Variants in DIP2B observed in about 807,000 individuals in gnomAD.
DIP2B encodes the protein disco-interacting protein 2 homolog B.
A neutral mutation model predicts 198.0 loss-of-function variants in DIP2B; 76 were observed. The observed-to-expected ratio is 0.38, with a 90% confidence interval of 0.32 to 0.46. The LOEUF is 0.46. Among genes scored for constraint, DIP2B ranks in the 20% least tolerant of loss-of-function variants. The pLI, the probability that DIP2B is intolerant of heterozygous loss-of-function variation, is 0.99. For missense variants in DIP2B, 1,559 were observed against 1,978.4 expected (o/e 0.79, Z 4.02); for synonymous variants, 701 against 739.1 (o/e 0.95, Z 0.84).
chr12:50,533,955 G>T, intron 1 of DIP2B, among the ~76,000 whole-genome samples: 1 of 152,066 alleles, frequency 6.6e-6, no homozygotes, highest in Non-Finnish European at 1.5e-5. Flanking sequence ...TCCCCCCTGT[G>T]ACAGAAGGTG....
chr12:50,518,875 G>A (rs576261292), intron 1 of DIP2B, among the ~76,000 whole-genome samples: 1 of 152,168 alleles, frequency 6.6e-6, no homozygotes, highest in African/African-American at 2.4e-5. Context: ...CAAGTAGCTG[G>A]GATTACAGGT....
intron 1 of DIP2B, among the ~76,000 whole-genome samples, chr12:50,590,159 A>AT (rs67465895): frequency 0.32 from 47,786 of 148,264 alleles, 7,672 homozygotes; most frequent in South Asian, 0.39. Flanking sequence ...TTTCTGGATA[A>AT]TTTTTTTTTT....
rs1236102753 is a variant in DIP2B, at chr12:50,741,530, T to C, written c.4469T>C (p.Ile1490Thr). 7.4e-6 allele frequency: 12 copies of C among 1,613,274 alleles called. No individual in the cohort carries two copies. Among genetic ancestry groups the C allele is most frequent in the East Asian group, 2.2e-5 (1 of 44,892 alleles). ...TCGGTGTCCCGGATCCACAGAAGCA[T>C]TGCTGAATGGTAACTCCCTCAGCAT... ...ETSVSRIHRS[I>T]AECAVFTWTN... Residue 1490 changes from isoleucine (I) to threonine (T), a missense_variant, in exon 37 of 38, where the codon ATT (isoleucine) becomes ACT (threonine). Transcript: ENST00000301180.
At position 50,558,477 on chromosome 12, in the gene DIP2B, G is replaced by A. The variant is rs548211928; in HGVS notation, c.100+53237G>A. ...ACTGTTTACAGATGTGGAAATGGAG[G>A]TACTGAGAGGTGACTTGGTTTTCTT... is the stretch of plus-strand genomic sequence containing the variant. On this transcript the variant is annotated intron_variant, in intron 1 of 37. Transcript: ENST00000301180. 5.3e-4 allele frequency among the ~76,000 whole-genome samples: 81 copies of A among 152,300 alleles called. 1 individual carries two copies. In the South Asian group the frequency reaches 0.012, roughly 23 times the overall value.
chr12:50,609,128 G>A (rs1035210426), intron 1 of DIP2B, among the ~76,000 whole-genome samples: 4 of 151,826 alleles, frequency 2.6e-5, no homozygotes, highest in South Asian at 2.1e-4. Context: ...GCAACACTCC[G>A]TCTCAAAAAA....
intron 1 of DIP2B, among the ~76,000 whole-genome samples, chr12:50,536,930 T>C (rs1958273218): frequency 6.6e-6 from 1 of 151,498 alleles, no homozygotes; most frequent in Non-Finnish European, 1.5e-5. Context: ...TCAGAGTGTG[T>C]GCTGTTGTTT....
chr12:50,697,850 T>G (rs1456000603), intron 17 of DIP2B, among the ~76,000 whole-genome samples: 1 of 151,936 alleles, frequency 6.6e-6, no homozygotes, highest in Non-Finnish European at 1.5e-5. Context: ...TACTTGATGA[T>G]GATGATAAAT....
At chr12:50,734,621 G>A (rs1053359279) in intron 33 of DIP2B, among the ~76,000 whole-genome samples, 20 of 152,110 alleles carry the variant, frequency 1.3e-4, no homozygotes, top group African/African-American at 2.7e-4. Flanking sequence ...AGCTGTGTCC[G>A]GCAGTGAGCG....
At chr12:50,739,262 C>T (rs145967106) in intron 35 of DIP2B, 147 bp from the exon 36 acceptor site, 9 of 737,438 alleles carry the variant, frequency 1.2e-5, no homozygotes, top group South Asian at 6.0e-5. Context: ...ATGATGAGCA[C>T]GTGGTAAATG....
chr12:50,601,511 T>C (rs906265983), intron 1 of DIP2B, among the ~76,000 whole-genome samples: 1 of 152,076 alleles, frequency 6.6e-6, no homozygotes, highest in Non-Finnish European at 1.5e-5. Context: ...TTTTTTCTTT[T>C]GTATTTTTAG....
At chr12:50,635,729 A>C (rs76440867) in intron 2 of DIP2B, among the ~76,000 whole-genome samples, 6 of 152,038 alleles carry the variant, frequency 3.9e-5, no homozygotes, top group African/African-American at 1.5e-4. Flanking sequence ...CTGTAACCCT[A>C]TTTTCCTTAA....
chr12:50,730,340 TTCTC>T (rs948980389), intron 30 of DIP2B, among the ~76,000 whole-genome samples: 7 of 152,016 alleles, frequency 4.6e-5, no homozygotes, highest in South Asian at 4.2e-4. Flanking sequence ...TTCTTTTTCT[TTCTC>T]TCTCTTTCTT....
At chr12:50,728,817 G>A in intron 30 of DIP2B, 139 bp downstream of exon 30, 2 of 1,207,602 alleles carry the variant, frequency 1.7e-6, no homozygotes, top group Admixed American at 3.0e-5. Context: ...TGGATCTACT[G>A]TGTCTCTGAA....
intron 23 of DIP2B, among the ~76,000 whole-genome samples, chr12:50,718,424 T>C (rs527922401): frequency 1.3e-5 from 2 of 152,186 alleles, no homozygotes; most frequent in Non-Finnish European, 2.9e-5. Flanking sequence ...GCTGCCTCCT[T>C]CCCTCCACCC....
chr12:50,536,005 A>G (rs1045360562), intron 1 of DIP2B, among the ~76,000 whole-genome samples: 4 of 151,642 alleles, frequency 2.6e-5, no homozygotes, highest in African/African-American at 9.7e-5. Flanking sequence ...AATTTCATCC[A>G]TGTCCCTACA....
rs561009432 is a variant in DIP2B at position 50,517,723 on chromosome 12, A to G, written c.100+12483A>G. On this transcript the variant is annotated intron_variant, in intron 1 of 37. Coordinates refer to ENST00000301180, the MANE Select transcript of DIP2B (RefSeq NM_173602.3). Reference sequence around the variant, plus strand: ...TATATTTGTTGTCTGCTCTCTAGCCATGCCAGATGACTTGCACTTCCATGA... The same window carrying G: ...TATATTTGTTGTCTGCTCTCTAGCCGTGCCAGATGACTTGCACTTCCATGA... 2.0e-5 allele frequency among the ~76,000 whole-genome samples: 3 copies of G among 152,288 alleles called. No individual in the cohort carries two copies. The East Asian group carries it at 5.8e-4, about 29-fold the overall frequency.
At chr12:50,553,129 C>T (rs1958441477) in intron 1 of DIP2B, among the ~76,000 whole-genome samples, 1 of 152,214 alleles carries the variant, frequency 6.6e-6, no homozygotes, top group East Asian at 1.9e-4. Context: ...AGCCACTGCA[C>T]CCGGCCTGAG....
chr12:50,736,803 T>C (rs1940145849), intron 34 of DIP2B, among the ~76,000 whole-genome samples: 1 of 152,328 alleles, frequency 6.6e-6, no homozygotes, highest in African/African-American at 2.4e-5. Context: ...CCATTTTATT[T>C]TTGAGGCTGA....
intron 1 of DIP2B, among the ~76,000 whole-genome samples, chr12:50,612,035 G>T (rs2139454522): frequency 6.6e-6 from 1 of 151,518 alleles, no homozygotes; most frequent in Middle Eastern, 3.4e-3. Context: ...CAGATATCTT[G>T]GCCAGGGGAG....
Sources: allele counts gnomAD v4.1 joint callset (sites outside exome capture counted in the v4.1 genomes callset), GRCh38; gene constraint gnomAD v4.1.1; transcripts MANE v1.5; gene names NCBI Gene and HGNC (gene_info 2026-07-23, HGNC 2026-07-21).